The following SHC4 variants were observed in gnomAD, a reference collection of about 807,000 sequenced individuals.
The protein encoded by SHC4 is SHC adaptor protein 4.
Under a neutral mutation model 69.4 loss-of-function variants are expected in SHC4, and 41 were observed. The ratio of observed to expected loss-of-function variants is 0.59; its 90% CI spans 0.46 to 0.77. The LOEUF (loss-of-function observed/expected upper bound fraction) is 0.77, where lower values mean the gene tolerates loss of function less well. Ranked by LOEUF, SHC4 falls within the 30% of genes least tolerant of loss-of-function variation. The pLI is 0.00. For synonymous variants in SHC4, 318 were observed against 299.3 expected, an observed-to-expected ratio of 1.06 and a Z score of -0.64; for missense variants, 777 against 783.8, an observed-to-expected ratio of 0.99 and a Z score of 0.10.
chr15:48,859,306 GGTGTGT>G (rs58641880), intron 6 of SHC4, among the ~76,000 whole-genome samples: 1,465 of 145,876 alleles, frequency 0.01, 28 homozygotes, highest in East Asian at 0.083. Flanking sequence ...ATTTGAAAGG[GGTGTGT>G]GTGTGTGTGT....
chr15:48,886,813 T>G (rs1437265988), intron 3 of SHC4, among the ~76,000 whole-genome samples: 1 of 152,148 alleles, frequency 6.6e-6, no homozygotes, highest in African/African-American at 2.4e-5. Flanking sequence ...AAAGAGAAAC[T>G]GCAGACCCTG....
chr15:48,950,566 T>C (rs1251274042), intron 1 of SHC4, among the ~76,000 whole-genome samples: 1 of 152,186 alleles, frequency 6.6e-6, no homozygotes, highest in Non-Finnish European at 1.5e-5. Flanking sequence ...GATGATCTAA[T>C]AAGTTTTAAA....
At chr15:48,951,962 G>T (rs1384373284) in intron 1 of SHC4, among the ~76,000 whole-genome samples, 1 of 152,164 alleles carries the variant, frequency 6.6e-6, no homozygotes, top group Non-Finnish European at 1.5e-5. Context: ...CCACTGGCCT[G>T]GGAGTAAGGA....
At chr15:48,838,163 A>G (rs76934653) in intron 10 of SHC4, among the ~76,000 whole-genome samples, 7,298 of 152,310 alleles carry the variant, frequency 0.048, 193 homozygotes, top group South Asian at 0.07. Flanking sequence ...ACACATTTCT[A>G]AAAGAGAAGA....
At chr15:48,936,918 G>A (rs1355333379) in intron 1 of SHC4, among the ~76,000 whole-genome samples, 2 of 152,140 alleles carry the variant, frequency 1.3e-5, no homozygotes, top group Non-Finnish European at 2.9e-5. Flanking sequence ...AACTAAGAGA[G>A]GTTTCATCTC....
intron 2 of SHC4, among the ~76,000 whole-genome samples, chr15:48,905,338 T>G (rs1900389406): frequency 6.6e-6 from 1 of 152,144 alleles, no homozygotes; most frequent in Non-Finnish European, 1.5e-5. Context: ...TTGTGGTTGC[T>G]CCACTGAAAA....
In SHC4 at chr15:48,855,991, C is replaced by A. The variant is rs776220038; in HGVS notation, c.1204G>T (p.Ala402Ser). ...TTTTCACACTGTATGGGGCAGTAAG[C>A]CATTTGTTCCGTGGCTTGAACTTTG... Reference protein sequence around the residue: ...RIKVQATEQMAYCPIQCEKLC... With the variant: ...RIKVQATEQMSYCPIQCEKLC... The change falls in exon 8 of 12, where the codon GCT becomes TCT. Residue 402 changes from alanine to serine, a missense_variant. By Grantham distance (99) the Ala-to-Ser change is moderately conservative. Coordinates refer to ENST00000332408, the MANE Select transcript of SHC4 (RefSeq NM_203349.4). 1 of 1,613,640 alleles carries A rather than the reference C, an allele frequency of 6.2e-7. No homozygotes were observed. The highest frequency in any genetic ancestry group is 8.5e-7 in the Non-Finnish European group (1 of 1,179,822).
At chr15:48,902,052 G>T (rs913076237) in intron 2 of SHC4, among the ~76,000 whole-genome samples, 1 of 151,858 alleles carries the variant, frequency 6.6e-6, no homozygotes, top group African/African-American at 2.4e-5. Context: ...AAATACAAAA[G>T]TTAGCCAGGT....
At chr15:48,880,372 C>A (rs1899917331) in intron 4 of SHC4, among the ~76,000 whole-genome samples, 1 of 152,146 alleles carries the variant, frequency 6.6e-6, no homozygotes, top group South Asian at 2.1e-4. Context: ...AATTAGCGTG[C>A]AGCTACGGTC....
At chr15:48,909,362 A>G (rs1227344620) in intron 2 of SHC4, among the ~76,000 whole-genome samples, 1 of 151,512 alleles carries the variant, frequency 6.6e-6, no homozygotes, top group East Asian at 1.9e-4. Context: ...CTGTTGATAT[A>G]TAGAAGACCT....
At chr15:48,835,077 TC>T (rs1415046239) in intron 10 of SHC4, 55 bp from the exon 11 acceptor site, 14 of 1,537,252 alleles carry the variant, frequency 9.1e-6, no homozygotes, top group Non-Finnish European at 3.5e-6. Flanking sequence ...ATCCATCCAT[TC>T]ATTCATTTAT....
intron 10 of SHC4, among the ~76,000 whole-genome samples, chr15:48,837,668 T>C (rs1898923425): frequency 2.0e-5 from 3 of 152,176 alleles, no homozygotes; most frequent in Non-Finnish European, 4.4e-5. Context: ...CTAGATTTAA[T>C]TGAAACCATA....
chr15:48,930,991 A>T (rs1459327164), intron 1 of SHC4, among the ~76,000 whole-genome samples: 1 of 152,152 alleles, frequency 6.6e-6, no homozygotes, highest in Non-Finnish European at 1.5e-5. Context: ...TCCTTTAGTG[A>T]ACGATTTTTG....
intron 1 of SHC4, among the ~76,000 whole-genome samples, chr15:48,944,461 C>A (rs909537938): frequency 1.3e-5 from 2 of 152,136 alleles, no homozygotes; most frequent in Admixed American, 1.3e-4. Context: ...CTTCTTCCTG[C>A]TGCTTGGAAA....
At chr15:48,855,034 G>A (rs551019703) in intron 8 of SHC4, among the ~76,000 whole-genome samples, 11 of 152,228 alleles carry the variant, frequency 7.2e-5, no homozygotes, top group African/African-American at 2.4e-4. Flanking sequence ...CTATGTGAGA[G>A]TGAAGGGTGG....
chr15:48,852,961 TAAA>T (rs1456964824), intron 8 of SHC4, among the ~76,000 whole-genome samples: 1 of 148,906 alleles, frequency 6.7e-6, no homozygotes, highest in Non-Finnish European at 1.5e-5. Flanking sequence ...AAATAAAAAA[TAAA>T]AAAATTTAGA....
At chr15:48,923,759 C>T (rs1900795649) in intron 2 of SHC4, among the ~76,000 whole-genome samples, 1 of 151,174 alleles carries the variant, frequency 6.6e-6, no homozygotes, top group Admixed American at 6.6e-5. Flanking sequence ...CCAGCCTCAG[C>T]CTCCTGAGTA....
intron 6 of SHC4, among the ~76,000 whole-genome samples, chr15:48,859,344 A>G (rs1393655708): frequency 1.6e-5 from 2 of 123,498 alleles, no homozygotes; most frequent in African/African-American, 6.1e-5. Context: ...TGTGTGTGTG[A>G]TGGTGGTGTG....
At chr15:48,911,042 A>G (rs1900500214) in intron 2 of SHC4, among the ~76,000 whole-genome samples, 1 of 152,118 alleles carries the variant, frequency 6.6e-6, no homozygotes, top group African/African-American at 2.4e-5. Flanking sequence ...TGTATTCTGC[A>G]GTTGCTGCAT....
Sources: gnomAD v4.1 joint callset for allele counts (sites outside exome capture counted in the v4.1 genomes callset) on GRCh38, gnomAD v4.1.1 for gene constraint, MANE v1.5 for transcripts, NCBI Gene and HGNC (gene_info 2026-07-23, HGNC 2026-07-21) for gene names.